Variants in AKAP19 observed in about 807,000 individuals in gnomAD.
The protein encoded by AKAP19 is A-kinase anchoring protein 19.
At chr2:190,130,990 C>A in the AKAP19 span, among the ~76,000 whole-genome samples, 193 of 152,180 alleles carry the variant, frequency 1.3e-3, 1 homozygote, top group Non-Finnish European at 2.2e-3. Flanking sequence ...GGCCAGAGAC[C>A]AGAGTGAAGG....
At chr2:190,105,166 A>G in the AKAP19 span, among the ~76,000 whole-genome samples, 2,035 of 152,304 alleles carry the variant, frequency 0.013, 40 homozygotes, top group African/African-American at 0.046. Context: ...TCTACCAAAA[A>G]GACACATATA....
the AKAP19 span, among the ~76,000 whole-genome samples, chr2:190,039,361 G>A: frequency 6.6e-6 from 1 of 152,144 alleles, no homozygotes; most frequent in South Asian, 2.1e-4. Flanking sequence ...TTACAGGCGT[G>A]AGCCACTGCG....
chr2:190,191,329 G>GAGAC, the AKAP19 span, among the ~76,000 whole-genome samples: 202 of 152,200 alleles, frequency 1.3e-3, 2 homozygotes, highest in African/African-American at 4.8e-3. Flanking sequence ...ATTTTCAGTA[G>GAGAC]AGACAGAGTT....
At chr2:189,896,118 TGAA>T in the AKAP19 span, among the ~76,000 whole-genome samples, 4 of 152,164 alleles carry the variant, frequency 2.6e-5, no homozygotes, top group African/African-American at 7.2e-5. Context: ...TAGAAGAACT[TGAA>T]GAAGAATTTG....
At chr2:190,103,175 T>G in the AKAP19 span, among the ~76,000 whole-genome samples, 1 of 152,062 alleles carries the variant, frequency 6.6e-6, no homozygotes, top group African/African-American at 2.4e-5. Flanking sequence ...AAACTACCCA[T>G]GAAAGGAACA....
chr2:189,982,173 T>A, the AKAP19 span, among the ~76,000 whole-genome samples: 1 of 152,300 alleles, frequency 6.6e-6, no homozygotes, highest in South Asian at 2.1e-4. Flanking sequence ...CTTTACATAA[T>A]CTCATGTTTC....
At chr2:190,182,811 A>G in the AKAP19 span, among the ~76,000 whole-genome samples, 1 of 152,260 alleles carries the variant, frequency 6.6e-6, no homozygotes, top group Admixed American at 6.5e-5. Context: ...TGTCAAGCAA[A>G]GGAGACAAAA....
the AKAP19 span, among the ~76,000 whole-genome samples, chr2:189,954,974 G>A: frequency 6.6e-5 from 10 of 152,178 alleles, no homozygotes; most frequent in East Asian, 7.7e-4. Flanking sequence ...GGACTTAGGG[G>A]TACAAGTACA....
At chr2:189,947,743 A>C in the AKAP19 span, among the ~76,000 whole-genome samples, 2 of 152,118 alleles carry the variant, frequency 1.3e-5, no homozygotes, top group African/African-American at 2.4e-5. Context: ...TTAAATCTGT[A>C]ACCCATATAG....
At chr2:190,080,460 T>TAGGTGACA in the AKAP19 span, among the ~76,000 whole-genome samples, 5 of 152,154 alleles carry the variant, frequency 3.3e-5, no homozygotes, top group African/African-American at 1.2e-4. Context: ...TTTAACAGAA[T>TAGGTGACA]AGGTGACATT....
chr2:190,187,483 T>C, the AKAP19 span, among the ~76,000 whole-genome samples: 1 of 151,568 alleles, frequency 6.6e-6, no homozygotes, highest in African/African-American at 2.4e-5. Context: ...TTGTGATACC[T>C]TCCACTGGCA....
chr2:189,954,065 G>T, the AKAP19 span, among the ~76,000 whole-genome samples: 5 of 152,312 alleles, frequency 3.3e-5, no homozygotes, highest in South Asian at 1.0e-3. Flanking sequence ...CAAGGTTGGG[G>T]AATCCCTGTC....
At chr2:189,924,005 C>T in the AKAP19 span, 1 of 1,584,954 alleles carries the variant, frequency 6.3e-7, no homozygotes, top group African/African-American at 1.3e-5. Flanking sequence ...AGAAGAGGAG[C>T]AGAGCAGCAG....
the AKAP19 span, among the ~76,000 whole-genome samples, chr2:189,921,130 C>T: frequency 6.6e-6 from 1 of 152,176 alleles, no homozygotes; most frequent in East Asian, 1.9e-4. Context: ...GCCGTGTTTG[C>T]CTGAAAGCTT....
At chr2:189,974,962 A>C in the AKAP19 span, among the ~76,000 whole-genome samples, 2 of 152,092 alleles carry the variant, frequency 1.3e-5, no homozygotes, top group African/African-American at 4.8e-5. Flanking sequence ...TTTTAATTGG[A>C]GCATTTAGCC....
chr2:189,999,842 T>A, the AKAP19 span, among the ~76,000 whole-genome samples: 2 of 152,224 alleles, frequency 1.3e-5, no homozygotes, highest in Admixed American at 6.5e-5. Context: ...GCATGGATTT[T>A]GTCTAAAGTT....
chr2:189,997,168 T>C, the AKAP19 span, among the ~76,000 whole-genome samples: 2 of 152,230 alleles, frequency 1.3e-5, no homozygotes, highest in African/African-American at 4.8e-5. Context: ...TCTCCTTCTT[T>C]GGAGCAGGAT....
At chr2:190,126,182 T>A in the AKAP19 span, among the ~76,000 whole-genome samples, 1 of 149,616 alleles carries the variant, frequency 6.7e-6, no homozygotes, top group South Asian at 2.1e-4. Flanking sequence ...TCCCAGCTAC[T>A]CAGGAGGCTG....
the AKAP19 span, among the ~76,000 whole-genome samples, chr2:189,961,948 A>G: frequency 1.3e-5 from 2 of 152,010 alleles, no homozygotes; most frequent in Non-Finnish European, 1.5e-5. Flanking sequence ...CCGAGGGTAT[A>G]TTTAAAACCA....
Sources: allele counts gnomAD v4.1 joint callset (sites outside exome capture counted in the v4.1 genomes callset), GRCh38; gene constraint gnomAD v4.1.1; transcripts MANE v1.5; gene names NCBI Gene and HGNC (gene_info 2026-07-23, HGNC 2026-07-21).